Variants in KSR2 observed in about 807,000 individuals in gnomAD.
KSR2 encodes the protein kinase suppressor of ras 2.
KSR2 carries 25 observed loss-of-function variants against 107.8 expected under a neutral mutation model. The observed-to-expected ratio is 0.23, with a 90% CI of 0.17 to 0.32. KSR2 has a LOEUF of 0.32. KSR2 is among the 10% of genes least tolerant of loss of function. The pLI, the probability that KSR2 is intolerant of heterozygous loss-of-function variation, is 1.00. For synonymous variants in KSR2, 480 were observed against 507.0 expected (o/e 0.95, Z 0.71); for missense variants, 887 against 1,268.9 (o/e 0.70, Z 4.57).
chr12:117,658,654 A>G (rs1884289919), intron 5 of KSR2, among the ~76,000 whole-genome samples: 1 of 152,176 alleles, frequency 6.6e-6, no homozygotes, highest in Non-Finnish European at 1.5e-5. Context: ...GACATGGAAG[A>G]TAGGGCATCA....
chr12:117,636,699 C>T (rs568476322), intron 5 of KSR2, among the ~76,000 whole-genome samples: 10 of 152,278 alleles, frequency 6.6e-5, no homozygotes, highest in Admixed American at 2.0e-4. Flanking sequence ...CAAAACTTCA[C>T]AGATTTTAGA....
At chr12:117,919,385 A>G (rs1895278165) in intron 1 of KSR2, among the ~76,000 whole-genome samples, 1 of 152,176 alleles carries the variant, frequency 6.6e-6, no homozygotes, top group Admixed American at 6.5e-5. Flanking sequence ...TGAATATAGG[A>G]TCATAGGTAA....
intron 5 of KSR2, among the ~76,000 whole-genome samples, chr12:117,604,708 T>C (rs1401267541): frequency 1.3e-5 from 2 of 152,118 alleles, no homozygotes; most frequent in Non-Finnish European, 2.9e-5. Flanking sequence ...TATATAATCT[T>C]TTATATAATA....
chr12:117,624,430 T>C (rs536204425), intron 5 of KSR2, among the ~76,000 whole-genome samples: 5 of 152,360 alleles, frequency 3.3e-5, no homozygotes, highest in African/African-American at 1.2e-4. Flanking sequence ...GTTTCAGCTT[T>C]CTACATATGG....
intron 4 of KSR2, among the ~76,000 whole-genome samples, chr12:117,686,215 ATTTT>A (rs55772468): frequency 2.2e-4 from 17 of 78,034 alleles, no homozygotes; most frequent in East Asian, 8.2e-4. Context: ...CACCCAGCTA[ATTTT>A]TTTTTTTTTT....
intron 1 of KSR2, among the ~76,000 whole-genome samples, chr12:117,929,436 T>C (rs1895634581): frequency 6.6e-6 from 1 of 152,210 alleles, no homozygotes; most frequent in African/African-American, 2.4e-5. Context: ...ATGTGAGACG[T>C]GGCTTTCACC....
chr12:117,476,665 C>T (rs1200477991), intron 16 of KSR2, 70 bp from the exon 17 acceptor site: 8 of 1,475,880 alleles, frequency 5.4e-6, no homozygotes, highest in African/African-American at 1.4e-5. Flanking sequence ...TGGCACTGAC[C>T]CTACGTCCCT....
intron 3 of KSR2, among the ~76,000 whole-genome samples, chr12:117,776,460 A>C (rs2136929841): frequency 6.6e-6 from 1 of 152,268 alleles, no homozygotes; most frequent in South Asian, 2.1e-4. Flanking sequence ...AAAATTATAA[A>C]CTGCAGCCCA....
At chr12:117,708,385 G>A (rs1886613601) in intron 4 of KSR2, among the ~76,000 whole-genome samples, 1 of 152,150 alleles carries the variant, frequency 6.6e-6, no homozygotes. Flanking sequence ...TCCCCCACTA[G>A]AGATGAAGGG....
chr12:117,818,917 A>G (rs539002697), intron 3 of KSR2, among the ~76,000 whole-genome samples: 1 of 152,302 alleles, frequency 6.6e-6, no homozygotes, highest in East Asian at 1.9e-4. Context: ...ATAAAAGGCT[A>G]TCATGAAGCA....
At chr12:117,920,139 C>T (rs999119157) in intron 1 of KSR2, among the ~76,000 whole-genome samples, 1 of 152,188 alleles carries the variant, frequency 6.6e-6, no homozygotes, top group Non-Finnish European at 1.5e-5. Context: ...CACTCTGTCA[C>T]CCAGGCTAGA....
rs780164038 is a variant in KSR2 at position 117,524,944 on chromosome 12, C to T, written c.2127G>A (p.Arg709=). The T allele has an allele frequency of 6.2e-7, 1 of 1,613,930 alleles. No homozygotes were observed. Among genetic ancestry groups the T allele is most frequent in the East Asian group, 2.2e-5 (1 of 44,842 alleles). The change falls in exon 14 of 20, where the codon CGG becomes CGA. Residue 709 remains arginine (R), a synonymous_variant. Transcript: ENST00000339824. ...GTGTCTGCCTGTAGGCCATCACCTCCCGCTTGAAGGCCTTGAGCTGGTCCT... is the reference window on the plus strand; with the variant it reads ...GTGTCTGCCTGTAGGCCATCACCTCTCGCTTGAAGGCCTTGAGCTGGTCCT... The part of the protein sequence containing the change: ...DNEDQLKAFK[R]EVMAYRQTRH...
chr12:117,739,514 G>A (rs913861126), intron 4 of KSR2, among the ~76,000 whole-genome samples: 2 of 152,168 alleles, frequency 1.3e-5, no homozygotes, highest in Non-Finnish European at 2.9e-5. Context: ...TCATTATGCA[G>A]TGCATGAGTA....
chr12:117,477,372 T>C (rs1365059334), intron 16 of KSR2, among the ~76,000 whole-genome samples: 1 of 152,222 alleles, frequency 6.6e-6, no homozygotes, highest in African/African-American at 2.4e-5. Context: ...AATCCACAAA[T>C]AATGATAATC....
chr12:117,632,770 A>G (rs752129310), intron 5 of KSR2, among the ~76,000 whole-genome samples: 1 of 152,164 alleles, frequency 6.6e-6, no homozygotes, highest in Non-Finnish European at 1.5e-5. Context: ...GCTCTTAAGT[A>G]TAAGTGAAAA....
At position 117,455,718 on chromosome 12, in the gene KSR2, G is replaced by C. The variant is rs1202032392; in HGVS notation, c.*11481C>G. The C allele has an allele frequency of 6.6e-6, 1 of 152,282 alleles. No individual in the cohort carries two copies. Among genetic ancestry groups the C allele is most frequent in the African/African-American group, 2.4e-5 (1 of 41,466 alleles). 9.4% of individuals were successfully genotyped at this position (152,282 alleles called of 1,614,324 possible). ...CGCTGGGCTCTGCTGAGGGTGTAGT[G>C]AATGGGGCTGGGGACATGAGCCTTT... On this transcript the variant is annotated 3_prime_UTR_variant, in exon 20 of 20. Coordinates refer to ENST00000339824, the MANE Select transcript of KSR2 (RefSeq NM_173598.6).
intron 1 of KSR2, among the ~76,000 whole-genome samples, chr12:117,895,857 A>C (rs1593348995): frequency 6.6e-6 from 1 of 152,200 alleles, no homozygotes; most frequent in Admixed American, 6.5e-5. Flanking sequence ...TCAGGAGTTC[A>C]AGACCAGCCT....
chr12:117,640,915 T>C (rs1051760500), intron 5 of KSR2, among the ~76,000 whole-genome samples: 3 of 152,254 alleles, frequency 2.0e-5, no homozygotes, highest in East Asian at 1.9e-4. Context: ...CCCAGACTGA[T>C]TATACAGTCA....
Position 117,576,495 on chromosome 12 carries a change from TA to T in KSR2, c.1325+2623del, listed in dbSNP as rs79421012. Among the ~76,000 whole-genome samples, 76 of 151,650 alleles carry T rather than the reference TA, an allele frequency of 5.0e-4. No individual in the cohort carries two copies. The Middle Eastern group carries it at 0.01, about 21-fold the overall frequency. On this transcript the variant is annotated intron_variant, in intron 7 of 19. Transcript: ENST00000339824. ...GGTAATTATTGCTCCTGCTTCTCCT[TA>T]AAAAAAAATTTTTTTTTTTGAGACA...
Sources: gnomAD v4.1 joint callset for allele counts (sites outside exome capture counted in the v4.1 genomes callset) on GRCh38, gnomAD v4.1.1 for gene constraint, MANE v1.5 for transcripts, NCBI Gene and HGNC (gene_info 2026-07-23, HGNC 2026-07-21) for gene names.